HSD17B12: variants seen among roughly 807,000 people sequenced by gnomAD.
The protein encoded by HSD17B12 is hydroxysteroid 17-beta dehydrogenase 12, also known as very-long-chain 3-oxoacyl-CoA reductase.
In HSD17B12, 32 loss-of-function variants were observed where a neutral mutation model predicts 39.3. The observed-to-expected ratio is 0.81, with a 90% CI of 0.61 to 1.09. The LOEUF is 1.09. Among genes scored for constraint, HSD17B12 ranks in the 50% least tolerant of loss-of-function variants. The pLI, the probability that HSD17B12 is intolerant of heterozygous loss-of-function variation, is 0.00. For synonymous variants in HSD17B12, 150 were observed against 146.7 expected (o/e 1.02, Z -0.16); for missense variants, 342 against 382.9 (o/e 0.89, Z 0.89).
the HSD17B12 span, among the ~76,000 whole-genome samples, chr11:43,598,581 T>C: frequency 1.3e-5 from 2 of 152,108 alleles, no homozygotes; most frequent in Non-Finnish European, 2.9e-5. Context: ...TCCTGCTTTG[T>C]TTTCTTGTGC....
chr11:43,833,026 CTGT>C (rs1472320396), intron 7 of HSD17B12: 2 of 105,050 alleles, frequency 1.9e-5, no homozygotes, highest in Admixed American at 9.8e-5. Flanking sequence ...GAGCGAGACC[CTGT>C]CTCAAAAAAA....
the HSD17B12 span, among the ~76,000 whole-genome samples, chr11:43,600,021 G>A: frequency 6.6e-6 from 1 of 152,098 alleles, no homozygotes; most frequent in Non-Finnish European, 1.5e-5. Context: ...CGGCAGTACT[G>A]ATTTATTTCC....
chr11:43,653,076 T>C, the HSD17B12 span, among the ~76,000 whole-genome samples: 9 of 152,060 alleles, frequency 5.9e-5, no homozygotes, highest in Admixed American at 1.3e-4. Flanking sequence ...GAGTCCTGCC[T>C]TGGGCTGGTG....
intron 9 of HSD17B12, among the ~76,000 whole-genome samples, chr11:43,847,394 A>G (rs1951486596): frequency 6.6e-6 from 1 of 152,186 alleles, no homozygotes; most frequent in African/African-American, 2.4e-5. Flanking sequence ...TTTACATTTG[A>G]ACTTATTGTC....
chr11:43,802,224 G>A (rs1950978506), intron 4 of HSD17B12, among the ~76,000 whole-genome samples: 1 of 151,996 alleles, frequency 6.6e-6, no homozygotes, highest in African/African-American at 2.4e-5. Context: ...CTGACCTCAT[G>A]ATCTGCCCGC....
intron 3 of HSD17B12, among the ~76,000 whole-genome samples, chr11:43,777,409 A>T (rs922525946): frequency 1.3e-5 from 2 of 151,972 alleles, no homozygotes; most frequent in Admixed American, 6.6e-5. Context: ...TCTCTGTTTG[A>T]CTGTTGTTGG....
At chr11:43,577,668 G>A in the HSD17B12 span, among the ~76,000 whole-genome samples, 2 of 151,988 alleles carry the variant, frequency 1.3e-5, no homozygotes, top group African/African-American at 4.8e-5. Flanking sequence ...GTGTGGTGTG[G>A]CATTTTTCTT....
the HSD17B12 span, among the ~76,000 whole-genome samples, chr11:43,557,372 C>T: frequency 6.6e-6 from 1 of 152,150 alleles, no homozygotes; most frequent in East Asian, 1.9e-4. Flanking sequence ...AATTTAGTTC[C>T]AAAAAGGCTT....
chr11:43,817,647 A>G (rs1039292876), intron 6 of HSD17B12, among the ~76,000 whole-genome samples: 1 of 152,018 alleles, frequency 6.6e-6, no homozygotes, highest in East Asian at 1.9e-4. Context: ...ATTGAAGATC[A>G]GTGGGCTGTG....
At chr11:43,725,016 G>A (rs915780908) in intron 1 of HSD17B12, among the ~76,000 whole-genome samples, 1 of 152,050 alleles carries the variant, frequency 6.6e-6, no homozygotes. Flanking sequence ...CTACTTGAGG[G>A]CCCAATATAT....
At chr11:43,851,233 A>G (rs748083951) in intron 9 of HSD17B12, among the ~76,000 whole-genome samples, 15 of 152,244 alleles carry the variant, frequency 9.9e-5, no homozygotes, top group Non-Finnish European at 1.9e-4. Context: ...TCTCAAGGTC[A>G]GGTTGTTTCT....
chr11:43,613,692 A>C, the HSD17B12 span, among the ~76,000 whole-genome samples: 1 of 148,228 alleles, frequency 6.7e-6, no homozygotes, highest in Non-Finnish European at 1.5e-5. Flanking sequence ...TTTGAGATGG[A>C]GTCTCACTCT....
chr11:43,582,488 C>G, the HSD17B12 span, among the ~76,000 whole-genome samples: 1 of 152,236 alleles, frequency 6.6e-6, no homozygotes, highest in Non-Finnish European at 1.5e-5. Context: ...GACGCCCTTG[C>G]CCTTAGGGAC....
chr11:43,595,203 C>T, the HSD17B12 span, among the ~76,000 whole-genome samples: 7 of 152,180 alleles, frequency 4.6e-5, no homozygotes, highest in Non-Finnish European at 8.8e-5. Context: ...TAGGCTCCGC[C>T]GACCTCAAGC....
chr11:43,731,208 G>A (rs1337104687), intron 1 of HSD17B12, among the ~76,000 whole-genome samples: 1 of 152,140 alleles, frequency 6.6e-6, no homozygotes, highest in Non-Finnish European at 1.5e-5. Flanking sequence ...TGTTGACCAG[G>A]CTGGTCTTGA....
chr11:43,636,546 C>G, the HSD17B12 span, among the ~76,000 whole-genome samples: 1 of 151,274 alleles, frequency 6.6e-6, no homozygotes, highest in Admixed American at 6.6e-5. Flanking sequence ...TTTAAAAAAA[C>G]CAAAAAACAG....
At chr11:43,675,336 T>C in the HSD17B12 span, among the ~76,000 whole-genome samples, 1 of 152,026 alleles carries the variant, frequency 6.6e-6, no homozygotes, top group Admixed American at 6.5e-5. Context: ...AAAGCCTAAA[T>C]AATACAAAGG....
intron 9 of HSD17B12, chr11:43,852,894 A>G (rs1951545403): frequency 6.6e-6 from 1 of 152,198 alleles, no homozygotes; most frequent in Admixed American, 6.5e-5. Flanking sequence ...AGCAACAAGG[A>G]AAGAGGAAGA....
chr11:43,580,456 C>A, the HSD17B12 span, among the ~76,000 whole-genome samples: 1 of 152,006 alleles, frequency 6.6e-6, no homozygotes, highest in African/African-American at 2.4e-5. Flanking sequence ...GAGACGGTTT[C>A]GGGGAGGATG....
Sources: allele counts gnomAD v4.1 joint callset (sites outside exome capture counted in the v4.1 genomes callset), GRCh38; gene constraint gnomAD v4.1.1; transcripts MANE v1.5; gene names NCBI Gene and HGNC (gene_info 2026-07-23, HGNC 2026-07-21).